Variants in KCND3 observed in about 807,000 individuals in gnomAD.
KCND3 encodes A-type voltage-gated potassium channel KCND3.
Under a neutral mutation model 51.1 loss-of-function variants are expected in KCND3, and 9 were observed. The observed-to-expected ratio is 0.18, with a 90% CI of 0.11 to 0.31. KCND3 has a LOEUF of 0.31. Among genes scored for constraint, KCND3 ranks in the 10% least tolerant of loss-of-function variants. The pLI, the probability that KCND3 is intolerant of heterozygous loss-of-function variation, is 1.00. For missense variants in KCND3, 526 were observed against 903.8 expected, an observed-to-expected ratio of 0.58 and a Z score of 5.36; for synonymous variants, 349 against 368.0, an observed-to-expected ratio of 0.95 and a Z score of 0.59.
intron 2 of KCND3, among the ~76,000 whole-genome samples, chr1:111,903,499 G>A (rs567960555): frequency 6.6e-6 from 1 of 152,266 alleles, no homozygotes; most frequent in South Asian, 2.1e-4. Flanking sequence ...GCAGAGTGAA[G>A]CTTTCAGGGG....
chr1:111,780,592 A>T lies in KCND3; in HGVS notation c.1371+98T>A, dbSNP rs1469183662. 3.6e-6 allele frequency: 4 copies of T among 1,098,154 alleles called. No homozygotes were observed. The African/African-American group carries it at 4.7e-5, about 13-fold the overall frequency. 68.0% of individuals were successfully genotyped at this position (1,098,154 alleles called of 1,614,324 possible). A position where few individuals can be genotyped will look rare whatever the true frequency, so the allele number is the denominator to read the frequency against. On this transcript the variant is annotated intron_variant, in intron 4 of 7. Coordinates refer to ENST00000302127, the MANE Select transcript of KCND3 (RefSeq NM_001378969.1). The surrounding 1 kb of genome is among the most constrained non-coding windows in gnomAD (Gnocchi z 4.2). The stretch of plus-strand genomic sequence containing the variant: ...TGGAAACGTGTCCTCCTTGGGGTTC[A>T]TACTGGGGCTCTGGTGAGAGTGCTG...
intron 2 of KCND3, among the ~76,000 whole-genome samples, chr1:111,857,355 G>T (rs898950999): frequency 6.6e-6 from 1 of 152,138 alleles, no homozygotes; most frequent in Admixed American, 6.5e-5. Context: ...CAGAGGGCAC[G>T]GGGCTGGTTT....
chr1:111,978,687 C>A (rs975572601), intron 2 of KCND3, among the ~76,000 whole-genome samples: 3 of 152,144 alleles, frequency 2.0e-5, no homozygotes, highest in Non-Finnish European at 2.9e-5. Context: ...CCTGGGGGAC[C>A]AGGGCTGGGG....
At chr1:111,911,036 C>T (rs1190900461) in intron 2 of KCND3, 1 of 152,220 alleles carries the variant, frequency 6.6e-6, no homozygotes, top group South Asian at 2.1e-4. Context: ...TTGCCATCAG[C>T]ATCCCAAAGA....
intron 2 of KCND3, among the ~76,000 whole-genome samples, chr1:111,925,835 C>T (rs1671672398): frequency 6.6e-6 from 1 of 152,082 alleles, no homozygotes; most frequent in African/African-American, 2.4e-5. Flanking sequence ...AACCCCCCAA[C>T]ATGAGATTAA....
At chr1:111,904,662 G>C (rs567479810) in intron 2 of KCND3, among the ~76,000 whole-genome samples, 3 of 152,166 alleles carry the variant, frequency 2.0e-5, no homozygotes, top group South Asian at 2.1e-4. Context: ...CTGTGGGCAC[G>C]GGCACAGGCG....
intron 2 of KCND3, among the ~76,000 whole-genome samples, chr1:111,902,196 A>C (rs1670420244): frequency 6.6e-6 from 1 of 152,156 alleles, no homozygotes; most frequent in Non-Finnish European, 1.5e-5. Flanking sequence ...GCCAATCCCA[A>C]AGTGGGTCCA....
At chr1:111,907,284 G>A (rs991153183) in intron 2 of KCND3, among the ~76,000 whole-genome samples, 2 of 152,210 alleles carry the variant, frequency 1.3e-5, no homozygotes, top group African/African-American at 2.4e-5. Context: ...ATAACAAAGG[G>A]GAAGACTCTC....
At position 111,780,081 on chromosome 1, in the gene KCND3, T is replaced by C; in HGVS notation, c.1461+144A>G. ...GCCCCACTCCTCAGGGTCTTCCACC[T>C]GAGGGCCAGTAGATCCCATCACTAC... On this transcript the variant is annotated intron_variant, in intron 5 of 7. Coordinates refer to ENST00000302127, the MANE Select transcript of KCND3 (RefSeq NM_001378969.1). The surrounding 1 kb of genome is among the most constrained non-coding windows in gnomAD (Gnocchi z 4.2). 3.2e-6 allele frequency: 3 copies of C among 927,346 alleles called. No homozygotes were observed. Among genetic ancestry groups the C allele is most frequent in the Admixed American group, 2.0e-5 (1 of 49,948 alleles). The allele number at this position is 927,346 out of a possible 1,614,324, so 57.4% of individuals were successfully genotyped here.
chr1:111,937,095 G>A (rs1464424802), intron 2 of KCND3, among the ~76,000 whole-genome samples: 3 of 152,182 alleles, frequency 2.0e-5, no homozygotes, highest in African/African-American at 7.2e-5. Flanking sequence ...GGATCTGGGT[G>A]TGGGGAGAGG....
chr1:111,928,405 C>T (rs950991736), intron 2 of KCND3, among the ~76,000 whole-genome samples: 1 of 152,190 alleles, frequency 6.6e-6, no homozygotes, highest in Non-Finnish European at 1.5e-5. Context: ...CCACAAAAAA[C>T]GCAGATCATG....
At chr1:111,903,729 C>T (rs1670502493) in intron 2 of KCND3, among the ~76,000 whole-genome samples, 1 of 152,208 alleles carries the variant, frequency 6.6e-6, no homozygotes, top group Non-Finnish European at 1.5e-5. Flanking sequence ...TGGTCATCTG[C>T]CTTCAGTCAC....
intron 2 of KCND3, among the ~76,000 whole-genome samples, chr1:111,920,231 G>A (rs991543090): frequency 6.6e-6 from 1 of 152,178 alleles, no homozygotes; most frequent in African/African-American, 2.4e-5. Context: ...CAAACCCTTG[G>A]GGAGGGCAGG....
At chr1:111,862,514 C>T (rs1217848589) in intron 2 of KCND3, among the ~76,000 whole-genome samples, 2 of 152,210 alleles carry the variant, frequency 1.3e-5, no homozygotes, top group African/African-American at 2.4e-5. Flanking sequence ...TAAATTATAT[C>T]GTCAAGTCTA....
intron 3 of KCND3, among the ~76,000 whole-genome samples, chr1:111,784,246 C>CA (rs773621429): frequency 6.6e-6 from 1 of 152,080 alleles, no homozygotes; most frequent in Non-Finnish European, 1.5e-5. Flanking sequence ...AAAATGTTAC[C>CA]ACTAGGGGAA....
At chr1:111,961,905 C>T (rs376374219) in intron 2 of KCND3, among the ~76,000 whole-genome samples, 2 of 152,162 alleles carry the variant, frequency 1.3e-5, no homozygotes, top group African/African-American at 2.4e-5. Context: ...AGCCTTCAGG[C>T]GGCTACAGTC....
chr1:111,804,844 T>C (rs1665487326), intron 2 of KCND3, among the ~76,000 whole-genome samples: 1 of 152,224 alleles, frequency 6.6e-6, no homozygotes, highest in African/African-American at 2.4e-5. Context: ...ACAGCTGAAG[T>C]TGGTGCCCGG....
intron 2 of KCND3, among the ~76,000 whole-genome samples, chr1:111,795,433 A>G (rs1406688010): frequency 6.6e-6 from 1 of 152,258 alleles, no homozygotes; most frequent in East Asian, 1.9e-4. Context: ...TATTTAGCAT[A>G]AGTATGGGCC....
At chr1:111,913,736 C>G (rs1490080476) in intron 2 of KCND3, among the ~76,000 whole-genome samples, 2 of 152,078 alleles carry the variant, frequency 1.3e-5, no homozygotes, top group Admixed American at 6.6e-5. Context: ...AGGGGGACCT[C>G]ATCTCTAAAA....
Sources: gnomAD v4.1 joint callset for allele counts (sites outside exome capture counted in the v4.1 genomes callset) on GRCh38, gnomAD v4.1.1 for gene constraint, Gnocchi (gnomAD v3.1) non-coding constraint, MANE v1.5 for transcripts, NCBI Gene and HGNC (gene_info 2026-07-23, HGNC 2026-07-21) for gene names.